The following LRRTM4 variants were observed in gnomAD, a reference collection of about 807,000 sequenced individuals.
The protein encoded by LRRTM4 is leucine-rich repeat transmembrane neuronal protein 4.
A neutral mutation model predicts 47.6 loss-of-function variants in LRRTM4; 25 were observed. The ratio of observed to expected loss-of-function variants is 0.53; its 90% confidence interval spans 0.38 to 0.73. The LOEUF (loss-of-function observed/expected upper bound fraction) is 0.73. LRRTM4 is among the 30% of genes least tolerant of loss of function. The pLI is 0.00. For synonymous variants in LRRTM4, 311 were observed against 269.5 expected, an observed-to-expected ratio of 1.15 and a Z score of -1.51; for missense variants, 638 against 713.4, an observed-to-expected ratio of 0.89 and a Z score of 1.20.
chr2:76,979,149 T>G (rs1270903152), intron 3 of LRRTM4, among the ~76,000 whole-genome samples: 6 of 152,008 alleles, frequency 3.9e-5, no homozygotes. Context: ...ATTCTAGCAT[T>G]ATCAGACATG....
chr2:77,520,874 C>T (rs956467334), intron 2 of LRRTM4, among the ~76,000 whole-genome samples: 3 of 151,708 alleles, frequency 2.0e-5, no homozygotes, highest in Non-Finnish European at 4.4e-5. Context: ...TTCTTTCCTC[C>T]GTCAACAGTA....
chr2:76,974,207 T>A (rs79427861), intron 3 of LRRTM4, among the ~76,000 whole-genome samples: 1 of 83,032 alleles, frequency 1.2e-5, no homozygotes. Context: ...CATATATATA[T>A]ATACACATAT....
At chr2:77,037,508 A>C (rs1337163758) in intron 3 of LRRTM4, among the ~76,000 whole-genome samples, 4 of 151,674 alleles carry the variant, frequency 2.6e-5, no homozygotes, top group African/African-American at 9.7e-5. Context: ...ATTACTTGCA[A>C]ACATAAAAAA....
intron 3 of LRRTM4, among the ~76,000 whole-genome samples, chr2:77,163,836 T>C (rs558630721): frequency 8.5e-5 from 13 of 152,222 alleles, no homozygotes; most frequent in Non-Finnish European, 1.9e-4. Flanking sequence ...GAACAATCAG[T>C]ACCAGCCACT....
At chr2:77,294,641 T>A (rs182936978) in intron 3 of LRRTM4, among the ~76,000 whole-genome samples, 13 of 152,294 alleles carry the variant, frequency 8.5e-5, no homozygotes, top group Non-Finnish European at 1.6e-4. Context: ...CTACTTGTAA[T>A]AAGACTCAAG....
chr2:76,961,447 T>G (rs1175168369), intron 3 of LRRTM4, among the ~76,000 whole-genome samples: 1 of 151,422 alleles, frequency 6.6e-6, no homozygotes, highest in Non-Finnish European at 1.5e-5. Context: ...TTGTCTCTGC[T>G]AATGTGAGGA....
intron 3 of LRRTM4, among the ~76,000 whole-genome samples, chr2:77,002,743 G>C (rs1350231736): frequency 6.6e-6 from 1 of 151,972 alleles, no homozygotes; most frequent in East Asian, 1.9e-4. Flanking sequence ...TCCCAAGATT[G>C]TCTTTTTCTC....
intron 3 of LRRTM4, among the ~76,000 whole-genome samples, chr2:77,092,138 C>T (rs113345032): frequency 7.2e-5 from 11 of 152,094 alleles, no homozygotes; most frequent in African/African-American, 1.7e-4. Flanking sequence ...TCATACCTGA[C>T]GCATATACTT....
At chr2:76,760,724 C>T (rs1452342264) in intron 3 of LRRTM4, among the ~76,000 whole-genome samples, 3 of 151,878 alleles carry the variant, frequency 2.0e-5, no homozygotes, top group South Asian at 2.1e-4. Context: ...ACTGACTTAG[C>T]GTTTTGCAAA....
intron 3 of LRRTM4, among the ~76,000 whole-genome samples, chr2:76,779,895 G>A (rs971600716): frequency 1.3e-5 from 2 of 151,852 alleles, no homozygotes; most frequent in African/African-American, 2.4e-5. Context: ...TGCAGCGGCT[G>A]GTACCGGTTG....
intron 3 of LRRTM4, among the ~76,000 whole-genome samples, chr2:77,236,308 C>G (rs768295153): frequency 6.6e-6 from 1 of 151,990 alleles, no homozygotes; most frequent in African/African-American, 2.4e-5. Flanking sequence ...TGATTTGGCT[C>G]TCAGCTTGAA....
At chr2:77,492,156 A>T (rs79335806) in intron 3 of LRRTM4, among the ~76,000 whole-genome samples, 1 of 152,196 alleles carries the variant, frequency 6.6e-6, no homozygotes, top group Non-Finnish European at 1.5e-5. Context: ...ATTAAAAAGT[A>T]TGCAAAGAAT....
intron 3 of LRRTM4, among the ~76,000 whole-genome samples, chr2:76,768,014 C>A (rs1488673077): frequency 1.3e-5 from 2 of 152,010 alleles, no homozygotes; most frequent in Non-Finnish European, 2.9e-5. Flanking sequence ...ACAATATAAG[C>A]CAATTTCATA....
intron 3 of LRRTM4, among the ~76,000 whole-genome samples, chr2:76,946,832 A>G (rs1675337815): frequency 6.6e-6 from 1 of 151,888 alleles, no homozygotes; most frequent in Admixed American, 6.6e-5. Context: ...AATTATTATC[A>G]TTTGAAGCAT....
chr2:76,962,499 T>A (rs921007577), intron 3 of LRRTM4, among the ~76,000 whole-genome samples: 9 of 150,930 alleles, frequency 6.0e-5, no homozygotes, highest in African/African-American at 2.2e-4. Flanking sequence ...TGCTAATAAA[T>A]AATGAAAGTG....
In LRRTM4 at chr2:77,159,748, T is replaced by G. The variant is rs1288811407; in HGVS notation, c.1551+358570A>C. Among the ~76,000 whole-genome samples, 3 of 152,076 alleles carry G rather than the reference T, an allele frequency of 2.0e-5. No homozygotes were observed. In the East Asian group the frequency reaches 5.8e-4, roughly 30 times the overall value. The stretch of plus-strand genomic sequence containing the variant: ...AGGAGGCAAGAGAAGCAGGCACACT[T>G]AGGGAACTCTATGGAAGTACATCAT... On this transcript the variant is annotated intron_variant, in intron 3 of 3. Coordinates refer to ENST00000409884, the MANE Select transcript of LRRTM4 (RefSeq NM_001134745.3).
intron 3 of LRRTM4, among the ~76,000 whole-genome samples, chr2:77,472,126 G>A (rs891995796): frequency 3.3e-5 from 5 of 152,010 alleles, no homozygotes; most frequent in Admixed American, 2.0e-4. Flanking sequence ...TTACGTTTTT[G>A]TGCTTTATGT....
intron 3 of LRRTM4, among the ~76,000 whole-genome samples, chr2:77,140,949 G>T (rs1330842544): frequency 6.6e-6 from 1 of 152,088 alleles, no homozygotes; most frequent in African/African-American, 2.4e-5. Flanking sequence ...TTAGAATGGT[G>T]ATCATTAAAA....
At chr2:76,801,430 C>T (rs55796678) in intron 3 of LRRTM4, among the ~76,000 whole-genome samples, 24,670 of 151,712 alleles carry the variant, frequency 0.16, 2,200 homozygotes, top group African/African-American at 0.22. Flanking sequence ...AACCAAACAG[C>T]GCATATTCTC....
Sources: gnomAD v4.1 joint callset for allele counts (sites outside exome capture counted in the v4.1 genomes callset) on GRCh38, gnomAD v4.1.1 for gene constraint, MANE v1.5 for transcripts, NCBI Gene and HGNC (gene_info 2026-07-23, HGNC 2026-07-21) for gene names.